Variants in RGS6 observed in about 807,000 individuals in gnomAD.
RGS6 encodes regulator of G protein signaling 6, also known as regulator of G-protein signaling 6.
Under a neutral mutation model 78.5 loss-of-function variants are expected in RGS6, and 30 were observed. The ratio of observed to expected loss-of-function variants is 0.38; its 90% CI spans 0.29 to 0.52. The LOEUF is 0.52. RGS6 is among the 20% of genes least tolerant of loss of function. The pLI, the probability that RGS6 is intolerant of heterozygous loss-of-function variation, is 0.85. For missense variants in RGS6, 495 were observed against 609.7 expected (o/e 0.81, Z 1.98); for synonymous variants, 206 against 206.0 (o/e 1.00, Z 0.00).
chr14:72,143,397 T>C (rs1050533098), intron 2 of RGS6, among the ~76,000 whole-genome samples: 1 of 152,174 alleles, frequency 6.6e-6, no homozygotes, highest in African/African-American at 2.4e-5. Flanking sequence ...AAAACTGTCT[T>C]TTTCTAGCCC....
chr14:72,085,166 C>A (rs117552446), intron 2 of RGS6, among the ~76,000 whole-genome samples: 1 of 152,058 alleles, frequency 6.6e-6, no homozygotes, highest in Non-Finnish European at 1.5e-5. Flanking sequence ...AACAGTAAGG[C>A]GTGAGGGTAA....
At chr14:71,952,574 C>T (rs948273634) in intron 1 of RGS6, among the ~76,000 whole-genome samples, 8 of 151,842 alleles carry the variant, frequency 5.3e-5, no homozygotes, top group African/African-American at 1.2e-4. Flanking sequence ...GCCATCTACA[C>T]GGTATGAGTA....
intron 2 of RGS6, among the ~76,000 whole-genome samples, chr14:72,220,133 T>C (rs149285124): frequency 3.3e-5 from 5 of 152,256 alleles, no homozygotes; most frequent in African/African-American, 9.6e-5. Flanking sequence ...CCATTCATAA[T>C]CGCTACAAAA....
chr14:72,298,974 A>G (rs746442478), intron 2 of RGS6, among the ~76,000 whole-genome samples: 27 of 152,100 alleles, frequency 1.8e-4, no homozygotes, highest in African/African-American at 2.7e-4. Context: ...AGGGCTATTC[A>G]ATTTTTCTAT....
At chr14:72,075,818 G>T (rs1329725383) in intron 2 of RGS6, among the ~76,000 whole-genome samples, 5 of 152,120 alleles carry the variant, frequency 3.3e-5, no homozygotes, top group Admixed American at 3.3e-4. Flanking sequence ...ACCTCCGGAC[G>T]GCAGTGTCAG....
At chr14:72,005,049 T>C (rs528601203) in intron 2 of RGS6, among the ~76,000 whole-genome samples, 3 of 152,190 alleles carry the variant, frequency 2.0e-5, no homozygotes, top group Non-Finnish European at 4.4e-5. Flanking sequence ...TAAAAATGTG[T>C]GCATAAGTTG....
chr14:71,964,001 C>T (rs1030448823), intron 1 of RGS6, among the ~76,000 whole-genome samples: 4 of 151,580 alleles, frequency 2.6e-5, no homozygotes, highest in Non-Finnish European at 5.9e-5. Flanking sequence ...ATTTTGATTT[C>T]CCTGTATCCT....
Position 72,492,913 on chromosome 14 carries a change from GAC to G in RGS6, c.855-2236_855-2235del, listed in dbSNP as rs1280472545. Among the ~76,000 whole-genome samples, 3 of 152,340 alleles carry G rather than the reference GAC, an allele frequency of 2.0e-5. No individual in the cohort carries two copies. In the East Asian group the frequency reaches 5.8e-4, roughly 29 times the overall value. ...GCAGTAGAGCTGAGTAGTGGCAACA[GAC>G]ACCATCTGGCCCACAAAGCCTAAAA... is the stretch of plus-strand genomic sequence containing the variant. On this transcript the variant is annotated intron_variant, in intron 12 of 17. Transcript: ENST00000553525.
At chr14:72,532,534 T>A (rs181928001) in intron 15 of RGS6, among the ~76,000 whole-genome samples, 8 of 152,342 alleles carry the variant, frequency 5.3e-5, no homozygotes, top group African/African-American at 1.7e-4. Context: ...TGATTAAGCT[T>A]AGTGAGGAAG....
intron 1 of RGS6, among the ~76,000 whole-genome samples, chr14:71,957,115 A>G (rs1163070814): frequency 6.6e-6 from 1 of 152,224 alleles, no homozygotes; most frequent in African/African-American, 2.4e-5. Context: ...TGAGGAAATA[A>G]GGAACTGAGA....
intron 1 of RGS6, among the ~76,000 whole-genome samples, chr14:71,949,961 C>T (rs745426853): frequency 2.6e-5 from 4 of 152,094 alleles, no homozygotes; most frequent in Admixed American, 6.6e-5. Flanking sequence ...TGAAATGTCA[C>T]CTTTGTTATC....
At chr14:72,037,925 C>T (rs1011762404) in intron 2 of RGS6, among the ~76,000 whole-genome samples, 1 of 151,986 alleles carries the variant, frequency 6.6e-6, no homozygotes, top group South Asian at 2.1e-4. Context: ...TGCTGTTGAT[C>T]TACATGTTTA....
intron 2 of RGS6, among the ~76,000 whole-genome samples, chr14:72,290,954 C>G (rs1438835349): frequency 6.6e-6 from 1 of 152,126 alleles, no homozygotes; most frequent in East Asian, 1.9e-4. Context: ...AGGCAAAGCT[C>G]TGGAAGAACA....
intron 2 of RGS6, among the ~76,000 whole-genome samples, chr14:72,142,166 C>T (rs914292152): frequency 4.6e-5 from 7 of 152,110 alleles, no homozygotes; most frequent in African/African-American, 1.7e-4. Context: ...AGTATATGTT[C>T]CTCTCCTCGT....
the RGS6 span, among the ~76,000 whole-genome samples, chr14:72,588,876 G>A: frequency 1.3e-5 from 2 of 152,068 alleles, no homozygotes; most frequent in African/African-American, 4.8e-5. Context: ...TCGTGTGCAG[G>A]GCCCCTGGGT....
intron 2 of RGS6, among the ~76,000 whole-genome samples, chr14:72,024,992 T>G (rs976072582): frequency 2.2e-4 from 34 of 152,180 alleles, no homozygotes; most frequent in African/African-American, 8.0e-4. Flanking sequence ...TTCGTGCCCA[T>G]AAACCTAATT....
At chr14:72,323,826 A>C (rs1200397956) in intron 2 of RGS6, among the ~76,000 whole-genome samples, 155 of 146,936 alleles carry the variant, frequency 1.1e-3, no homozygotes, top group Non-Finnish European at 1.2e-3. Flanking sequence ...AAAAAAAAAA[A>C]AAAAAAAAAA....
intron 3 of RGS6, among the ~76,000 whole-genome samples, chr14:72,426,262 C>A (rs1207339954): frequency 6.6e-6 from 1 of 152,124 alleles, no homozygotes; most frequent in Non-Finnish European, 1.5e-5. Flanking sequence ...CATGACCGCA[C>A]TGAGACTCAG....
rs112566806 is a variant in RGS6 at position 72,564,356 on chromosome 14, A to C, written c.*1889A>C. The C allele has an allele frequency of 7.7e-4, 117 of 152,356 alleles. No individual in the cohort carries two copies. Among genetic ancestry groups the C allele is most frequent in the Middle Eastern group, 3.4e-3 (1 of 294 alleles). The allele number at this position is 152,356 out of a possible 1,614,324, so 9.4% of individuals were successfully genotyped here. A position where few individuals can be genotyped will look rare whatever the true frequency, so the allele number is the denominator to read the frequency against. On this transcript the variant is annotated 3_prime_UTR_variant, in exon 18 of 18. Coordinates refer to ENST00000553525, the MANE Select transcript of RGS6 (RefSeq NM_001204424.2). ...GCACATGCTCAGCACAGAGGCTGGT[A>C]CTTTGGAGGCACTAACCACTTGATG...
Sources: allele counts gnomAD v4.1 joint callset (sites outside exome capture counted in the v4.1 genomes callset), GRCh38; gene constraint gnomAD v4.1.1; transcripts MANE v1.5; gene names NCBI Gene and HGNC (gene_info 2026-07-23, HGNC 2026-07-21).